KCNC2: variants seen among roughly 807,000 people sequenced by gnomAD.
KCNC2 encodes the protein voltage-gated potassium channel KCNC2.
A neutral mutation model predicts 44.5 loss-of-function variants in KCNC2; 21 were observed. The observed-to-expected ratio is 0.47, with a 90% CI of 0.33 to 0.68. The LOEUF is 0.68. KCNC2 is among the 30% of genes least tolerant of loss of function. The pLI is 0.01. For synonymous variants in KCNC2, 391 were observed against 339.1 expected, an observed-to-expected ratio of 1.15 and a Z score of -1.68; for missense variants, 589 against 826.2, an observed-to-expected ratio of 0.71 and a Z score of 3.52.
At chr12:75,204,176 C>T (rs959693439) in intron 2 of KCNC2, among the ~76,000 whole-genome samples, 17 of 151,798 alleles carry the variant, frequency 1.1e-4, no homozygotes, top group African/African-American at 3.9e-4. Context: ...TTTTTGAATA[C>T]TATTCTTAAG....
At chr12:75,070,451 CAAAA>C (rs11304908) in intron 2 of KCNC2, among the ~76,000 whole-genome samples, 2 of 142,638 alleles carry the variant, frequency 1.4e-5, no homozygotes, top group African/African-American at 2.6e-5. Context: ...AACTCCATCT[CAAAA>C]AAAAAAAAAA....
At chr12:75,045,416 T>G (rs1880376708) in intron 4 of KCNC2, among the ~76,000 whole-genome samples, 1 of 151,994 alleles carries the variant, frequency 6.6e-6, no homozygotes, top group Non-Finnish European at 1.5e-5. Context: ...AGTGCCTATT[T>G]GAAAAGGCTT....
chr12:75,099,658 G>A (rs77983873), intron 2 of KCNC2, among the ~76,000 whole-genome samples: 8,267 of 152,128 alleles, frequency 0.054, 562 homozygotes, highest in African/African-American at 0.15. Context: ...TCATTTGAGG[G>A]AAATAAACTC....
chr12:75,173,856 C>T (rs1891995222), intron 2 of KCNC2, among the ~76,000 whole-genome samples: 1 of 151,810 alleles, frequency 6.6e-6, no homozygotes, highest in Non-Finnish European at 1.5e-5. Flanking sequence ...GCATAAAAAT[C>T]GGCTCCTTGA....
chr12:75,194,985 A>C (rs956732109), intron 2 of KCNC2, among the ~76,000 whole-genome samples: 2 of 152,078 alleles, frequency 1.3e-5, no homozygotes, highest in African/African-American at 4.8e-5. Context: ...ACTTTTCTAC[A>C]GTGAGTTTTA....
intron 2 of KCNC2, among the ~76,000 whole-genome samples, chr12:75,098,066 A>T (rs544994469): frequency 6.6e-6 from 1 of 152,274 alleles, no homozygotes; most frequent in Admixed American, 6.5e-5. Flanking sequence ...GCTCATTTTC[A>T]AACATTAAAA....
chr12:75,071,127 T>C (rs1883358541), intron 2 of KCNC2, among the ~76,000 whole-genome samples: 1 of 152,168 alleles, frequency 6.6e-6, no homozygotes, highest in African/African-American at 2.4e-5. Context: ...ACTTGGTCTA[T>C]TTGTGTCCCA....
intron 2 of KCNC2, among the ~76,000 whole-genome samples, chr12:75,103,752 C>CTA (rs1273028477): frequency 6.6e-6 from 1 of 152,112 alleles, no homozygotes; most frequent in Non-Finnish European, 1.5e-5. Context: ...ACACTTTTTT[C>CTA]TATACACAAC....
chr12:75,128,612 G>A (rs906167056), intron 2 of KCNC2, among the ~76,000 whole-genome samples: 1 of 151,724 alleles, frequency 6.6e-6, no homozygotes, highest in African/African-American at 2.4e-5. Context: ...CAGAAGAAAA[G>A]AAAATCATAC....
At chr12:75,087,355 A>G (rs1420138943) in intron 2 of KCNC2, among the ~76,000 whole-genome samples, 3 of 152,076 alleles carry the variant, frequency 2.0e-5, no homozygotes, top group African/African-American at 7.2e-5. Flanking sequence ...AGTCAAGATA[A>G]CATTCTAGAG....
chr12:75,190,639 G>T (rs984921809), intron 2 of KCNC2, among the ~76,000 whole-genome samples: 13 of 152,096 alleles, frequency 8.5e-5, no homozygotes, highest in Non-Finnish European at 1.9e-4. Flanking sequence ...ACAACAGAAA[G>T]ATATCCTCGG....
intron 2 of KCNC2, among the ~76,000 whole-genome samples, chr12:75,137,278 A>C (rs1395951223): frequency 2.0e-5 from 3 of 151,830 alleles, no homozygotes; most frequent in Admixed American, 6.6e-5. Context: ...TTTTCTTTAC[A>C]CTCTGCTCTA....
chr12:75,105,381 G>A (rs906963979), intron 2 of KCNC2, among the ~76,000 whole-genome samples: 1 of 152,132 alleles, frequency 6.6e-6, no homozygotes, highest in African/African-American at 2.4e-5. Flanking sequence ...TGAAGTCAGA[G>A]ACAAACTTCA....
chr12:75,185,960 C>T (rs534689363), intron 2 of KCNC2, among the ~76,000 whole-genome samples: 5 of 151,866 alleles, frequency 3.3e-5, no homozygotes, highest in Admixed American at 3.3e-4. Flanking sequence ...ACAAGAGACT[C>T]ACTTGAACCC....
chr12:75,075,207 G>A (rs1370836577), intron 2 of KCNC2, among the ~76,000 whole-genome samples: 2 of 152,000 alleles, frequency 1.3e-5, no homozygotes. Context: ...ATTAAAATGT[G>A]AAATAGCTAT....
chr12:75,125,583 C>T (rs2137309407), intron 2 of KCNC2, among the ~76,000 whole-genome samples: 1 of 152,268 alleles, frequency 6.6e-6, no homozygotes, highest in Non-Finnish European at 1.5e-5. Flanking sequence ...TTGGATATTT[C>T]TACTTCACAA....
intron 2 of KCNC2, among the ~76,000 whole-genome samples, chr12:75,119,124 C>T (rs1333300010): frequency 6.6e-6 from 1 of 152,286 alleles, no homozygotes; most frequent in African/African-American, 2.4e-5. Flanking sequence ...TGAATACCCC[C>T]TTCCATGGTA....
chr12:75,191,565 A>T, intron 2 of KCNC2, among the ~76,000 whole-genome samples: 1 of 48,180 alleles, frequency 2.1e-5, no homozygotes, highest in Non-Finnish European at 4.5e-5. Context: ...TTTTTTGGAG[A>T]CGGAGTCTCG....
At chr12:75,156,938 G>GGGTA (rs1456086436) in intron 2 of KCNC2, among the ~76,000 whole-genome samples, 2 of 151,722 alleles carry the variant, frequency 1.3e-5, no homozygotes, top group Non-Finnish European at 2.9e-5. Context: ...AACTAACACT[G>GGGTA]GGTAAAGTGT....
Sources: gnomAD v4.1 joint callset for allele counts (sites outside exome capture counted in the v4.1 genomes callset) on GRCh38, gnomAD v4.1.1 for gene constraint, MANE v1.5 for transcripts, NCBI Gene and HGNC (gene_info 2026-07-23, HGNC 2026-07-21) for gene names.